Variants in TANC1 observed in about 807,000 individuals in gnomAD.
The protein encoded by TANC1 is tetratricopeptide repeat, ankyrin repeat and coiled-coil containing 1, also known as protein TANC1.
TANC1 carries 77 observed loss-of-function variants against 149.7 expected under a neutral mutation model. The observed-to-expected ratio is 0.51, with a 90% CI of 0.43 to 0.62. TANC1 has a LOEUF of 0.62. TANC1 is among the 20% of genes least tolerant of loss of function. The pLI, the probability that TANC1 is intolerant of heterozygous loss-of-function variation, is 0.00. For missense variants in TANC1, 1,985 were observed against 2,321.8 expected (o/e 0.85, Z 2.98); for synonymous variants, 854 against 925.0 (o/e 0.92, Z 1.39).
At chr2:159,134,190 C>G (rs2050410984) in intron 4 of TANC1, among the ~76,000 whole-genome samples, 1 of 152,200 alleles carries the variant, frequency 6.6e-6, no homozygotes, top group South Asian at 2.1e-4. Flanking sequence ...TACCCCTTCT[C>G]TTACTGATGT....
intron 4 of TANC1, among the ~76,000 whole-genome samples, chr2:159,119,681 C>CGA (rs1434861826): frequency 1.3e-5 from 2 of 152,140 alleles, no homozygotes; most frequent in Non-Finnish European, 2.9e-5. Flanking sequence ...TGAGAGGTCA[C>CGA]GATGGCCTGG....
At chr2:159,011,741 C>T (rs939491625) in intron 2 of TANC1, among the ~76,000 whole-genome samples, 3 of 152,046 alleles carry the variant, frequency 2.0e-5, no homozygotes, top group African/African-American at 7.2e-5. Context: ...ATATCAGAGA[C>T]TTTGACTTAC....
intron 16 of TANC1, among the ~76,000 whole-genome samples, chr2:159,189,381 G>T (rs2057271739): frequency 6.6e-6 from 1 of 152,198 alleles, no homozygotes; most frequent in African/African-American, 2.4e-5. Flanking sequence ...GGCATGCAGG[G>T]TGATGTGGAC....
chr2:159,048,616 C>G (rs2041246715), intron 2 of TANC1, among the ~76,000 whole-genome samples: 1 of 152,156 alleles, frequency 6.6e-6, no homozygotes, highest in African/African-American at 2.4e-5. Flanking sequence ...TCCTGGATTT[C>G]TGATGTTAAT....
intron 3 of TANC1, among the ~76,000 whole-genome samples, chr2:159,078,515 T>C (rs2043922816): frequency 6.6e-6 from 1 of 152,214 alleles, no homozygotes; most frequent in South Asian, 2.1e-4. Flanking sequence ...AACTAAGAGG[T>C]TACAAAGCAA....
intron 16 of TANC1, among the ~76,000 whole-genome samples, chr2:159,193,081 C>A (rs899182674): frequency 6.6e-6 from 1 of 152,242 alleles, no homozygotes; most frequent in Non-Finnish European, 1.5e-5. Flanking sequence ...ATGTCCAGTA[C>A]TTTTCATGTT....
chr2:159,026,095 C>A (rs2039318520), intron 2 of TANC1, among the ~76,000 whole-genome samples: 1 of 152,104 alleles, frequency 6.6e-6, no homozygotes, highest in African/African-American at 2.4e-5. Flanking sequence ...CAATTCCTGG[C>A]TAATTTTTAA....
chr2:159,009,266 T>C (rs1186280973), intron 2 of TANC1, among the ~76,000 whole-genome samples: 1 of 152,184 alleles, frequency 6.6e-6, no homozygotes, highest in Non-Finnish European at 1.5e-5. Flanking sequence ...ACTGAGTATA[T>C]ATCCCAAGGA....
chr2:159,024,722 G>C (rs971761158), intron 2 of TANC1, among the ~76,000 whole-genome samples: 1 of 151,442 alleles, frequency 6.6e-6, no homozygotes, highest in Non-Finnish European at 1.5e-5. Flanking sequence ...CTGCACTCCA[G>C]CCTGGGTGAC....
chr2:159,116,151 G>A (rs1203137614), intron 4 of TANC1, among the ~76,000 whole-genome samples: 1 of 152,140 alleles, frequency 6.6e-6, no homozygotes, highest in Non-Finnish European at 1.5e-5. Context: ...TAGTGGCTGG[G>A]CGCGGTGGCT....
At chr2:158,972,876 T>A (rs988417753) in intron 1 of TANC1, among the ~76,000 whole-genome samples, 2 of 152,122 alleles carry the variant, frequency 1.3e-5, no homozygotes, top group African/African-American at 4.8e-5. Flanking sequence ...AGGAGAAGAA[T>A]GATTCTTGGT....
chr2:158,974,982 T>C (rs1300755365), intron 1 of TANC1, among the ~76,000 whole-genome samples: 1 of 142,558 alleles, frequency 7.0e-6, no homozygotes, highest in Admixed American at 7.1e-5. Flanking sequence ...CAACTCTTGG[T>C]TCAAGTGATC....
intron 18 of TANC1, 139 bp downstream of exon 18, chr2:159,196,932 A>T: frequency 1.4e-6 from 1 of 729,878 alleles, no homozygotes; most frequent in South Asian, 1.9e-5. Flanking sequence ...AAGGTCTTCT[A>T]TGGGCACCAC....
intron 2 of TANC1, among the ~76,000 whole-genome samples, chr2:159,039,657 A>T (rs1402397699): frequency 6.6e-6 from 1 of 152,078 alleles, no homozygotes; most frequent in Non-Finnish European, 1.5e-5. Flanking sequence ...GTAGTTGTGC[A>T]GTTTTGAGTG....
At chr2:159,170,042 T>C (rs904790591) in intron 9 of TANC1, among the ~76,000 whole-genome samples, 17 of 151,298 alleles carry the variant, frequency 1.1e-4, no homozygotes, top group Non-Finnish European at 2.4e-4. Flanking sequence ...TCTGTCTACC[T>C]GTAACACAGT....
intron 19 of TANC1, among the ~76,000 whole-genome samples, chr2:159,207,722 A>AC (rs2058718652): frequency 2.1e-5 from 3 of 142,872 alleles, no homozygotes; most frequent in Admixed American, 6.8e-5. Context: ...AAAAAAAAAA[A>AC]AAAAACAACT....
chr2:159,041,471 C>T (rs973026805), intron 2 of TANC1, among the ~76,000 whole-genome samples: 1 of 152,212 alleles, frequency 6.6e-6, no homozygotes, highest in African/African-American at 2.4e-5. Flanking sequence ...CTTTGTTTAC[C>T]TACTCAAGCC....
chr2:159,009,997 T>C (rs940468734), intron 2 of TANC1, among the ~76,000 whole-genome samples: 7 of 152,168 alleles, frequency 4.6e-5, no homozygotes, highest in Non-Finnish European at 8.8e-5. Flanking sequence ...TTAAGTGTTA[T>C]TGGAGTATTT....
At chr2:159,147,351 G>A (rs895755897) in intron 5 of TANC1, among the ~76,000 whole-genome samples, 19 of 152,162 alleles carry the variant, frequency 1.2e-4, no homozygotes, top group Admixed American at 1.2e-3. Context: ...TTCCATCTGC[G>A]TCCTGTTCCC....
Sources: allele counts gnomAD v4.1 joint callset (sites outside exome capture counted in the v4.1 genomes callset), GRCh38; gene constraint gnomAD v4.1.1; transcripts MANE v1.5; gene names NCBI Gene and HGNC (gene_info 2026-07-23, HGNC 2026-07-21).